FBXO34: variants seen among roughly 807,000 people sequenced by gnomAD.
The protein encoded by FBXO34 is F-box protein 34, also known as F-box only protein 34.
Under a neutral mutation model 24.5 loss-of-function variants are expected in FBXO34, and 12 were observed. The ratio of observed to expected loss-of-function variants is 0.49; its 90% CI spans 0.31 to 0.79. FBXO34 has a LOEUF of 0.79. Ranked by LOEUF, FBXO34 falls within the 30% of genes least tolerant of loss-of-function variation. FBXO34 has a pLI of 0.04. For synonymous variants in FBXO34, 320 were observed against 311.9 expected, an observed-to-expected ratio of 1.03 and a Z score of -0.27; for missense variants, 823 against 857.7, an observed-to-expected ratio of 0.96 and a Z score of 0.51.
At chr14:55,429,494 T>A in the FBXO34 span, among the ~76,000 whole-genome samples, 1 of 152,182 alleles carries the variant, frequency 6.6e-6, no homozygotes, top group Non-Finnish European at 1.5e-5. Flanking sequence ...CTGGGCACAG[T>A]GGCTCACGCC....
At chr14:55,302,451 T>C (rs916781651) in intron 1 of FBXO34, among the ~76,000 whole-genome samples, 1 of 139,440 alleles carries the variant, frequency 7.2e-6, no homozygotes, top group Non-Finnish European at 1.5e-5. Flanking sequence ...AGCCTCTTTT[T>C]TGTTTTTTTT....
the FBXO34 span, chr14:55,391,048 T>TTATC: frequency 8.4e-7 from 1 of 1,183,890 alleles, no homozygotes. Flanking sequence ...GTTAATATGA[T>TTATC]TATCTACCTG....
At chr14:55,321,735 A>G (rs186433341) in intron 1 of FBXO34, among the ~76,000 whole-genome samples, 1 of 152,286 alleles carries the variant, frequency 6.6e-6, no homozygotes, top group Admixed American at 6.5e-5. Flanking sequence ...TGCTTAGCTC[A>G]GTACCAAGGC....
chr14:55,284,303 C>T (rs1376057578), intron 1 of FBXO34, among the ~76,000 whole-genome samples: 1 of 152,070 alleles, frequency 6.6e-6, no homozygotes, highest in Non-Finnish European at 1.5e-5. Context: ...CACCTGAGGT[C>T]AGGAGTTCGA....
the FBXO34 span, among the ~76,000 whole-genome samples, chr14:55,418,443 GTGTGTA>G: frequency 6.6e-6 from 1 of 152,192 alleles, no homozygotes; most frequent in Admixed American, 6.5e-5. Flanking sequence ...CCACAGTCGT[GTGTGTA>G]TAAGTCAAAA....
chr14:55,408,774 AAAAAT>A, the FBXO34 span, among the ~76,000 whole-genome samples: 2 of 152,208 alleles, frequency 1.3e-5, no homozygotes, highest in Admixed American at 1.3e-4. Flanking sequence ...CTGTCTCAAA[AAAAAT>A]AAAATAAAAT....
chr14:55,427,387 A>AT, the FBXO34 span, among the ~76,000 whole-genome samples: 1 of 152,248 alleles, frequency 6.6e-6, no homozygotes, highest in Non-Finnish European at 1.5e-5. Context: ...GAATGAAAAT[A>AT]TTTTAGAAGA....
At chr14:55,409,689 A>G in the FBXO34 span, among the ~76,000 whole-genome samples, 2 of 152,218 alleles carry the variant, frequency 1.3e-5, no homozygotes, top group Non-Finnish European at 2.9e-5. Flanking sequence ...CAAGGAGGCC[A>G]CAGTGGCACA....
At chr14:55,294,079 C>T (rs1053235838) in intron 1 of FBXO34, among the ~76,000 whole-genome samples, 5 of 152,094 alleles carry the variant, frequency 3.3e-5, no homozygotes, top group Admixed American at 6.5e-5. Flanking sequence ...CTTCTTAAGT[C>T]TGTACTGATC....
In FBXO34 at chr14:55,350,577, G is replaced by C; in HGVS notation, c.187G>C (p.Gly63Arg). Reference protein sequence around the residue: ...LGKASSRKPFGILSPNVLCSM... With the variant: ...LGKASSRKPFRILSPNVLCSM... ...TAAAGCATCATCTCGAAAGCCATTT[G>C]GGATCCTTTCTCCAAATGTTCTGTG... The change falls in exon 2 of 2, where the codon GGG becomes CGG. Residue 63 changes from glycine to arginine, a missense_variant. This residue lies in a region of FBXO34 where 693 missense variants were observed against 659.1 expected (regional missense o/e 1.05). Coordinates refer to ENST00000313833, the MANE Select transcript of FBXO34 (RefSeq NM_017943.4). 6.2e-7 allele frequency: 1 copy of C among 1,612,634 alleles called. No homozygotes were observed.
At chr14:55,409,885 C>G in the FBXO34 span, among the ~76,000 whole-genome samples, 2 of 152,042 alleles carry the variant, frequency 1.3e-5, no homozygotes, top group Non-Finnish European at 2.9e-5. Context: ...GGAGCAAGGA[C>G]GGAAGCAGAG....
At chr14:55,379,659 T>C in the FBXO34 span, among the ~76,000 whole-genome samples, 2 of 151,932 alleles carry the variant, frequency 1.3e-5, no homozygotes, top group African/African-American at 4.8e-5. Context: ...AATGCAATGA[T>C]AGTTGGAGGG....
At chr14:55,369,423 A>C, downstream of FBXO34, 4 of 469,352 alleles carry the variant, frequency 8.5e-6, no homozygotes, top group Non-Finnish European at 1.1e-5. Flanking sequence ...CTTAATTATC[A>C]TAAGCATGTT....
chr14:55,304,739 A>T (rs1290593469), intron 1 of FBXO34, among the ~76,000 whole-genome samples: 2 of 151,750 alleles, frequency 1.3e-5, no homozygotes, highest in African/African-American at 4.8e-5. Context: ...GCCTCAAGTG[A>T]TCCTCCCGCC....
intron 1 of FBXO34, among the ~76,000 whole-genome samples, chr14:55,343,471 G>C (rs931652278): frequency 1.3e-5 from 2 of 151,988 alleles, no homozygotes; most frequent in African/African-American, 4.8e-5. Flanking sequence ...GGCTGGTCTC[G>C]AACTCCTGAC....
chr14:55,338,574 T>C (rs1883873039), intron 1 of FBXO34, among the ~76,000 whole-genome samples: 1 of 152,136 alleles, frequency 6.6e-6, no homozygotes, highest in Non-Finnish European at 1.5e-5. Context: ...CTTACTCATT[T>C]TTACCTTTTA....
At chr14:55,274,182 C>A (rs116234969) in intron 1 of FBXO34, among the ~76,000 whole-genome samples, 1,833 of 152,272 alleles carry the variant, frequency 0.012, 44 homozygotes, top group African/African-American at 0.041. Flanking sequence ...TAAGGAGATA[C>A]CTGCTATTCG....
intron 1 of FBXO34, among the ~76,000 whole-genome samples, chr14:55,344,544 GTA>G (rs1350548349): frequency 1.9e-5 from 2 of 104,936 alleles, no homozygotes; most frequent in African/African-American, 6.4e-5. Flanking sequence ...TTGTGTATGT[GTA>G]TTTTTTTTTT....
In FBXO34 at chr14:55,281,404, A is replaced by G. The variant is rs527413216; in HGVS notation, c.-11+9867A>G. 7.2e-5 allele frequency among the ~76,000 whole-genome samples: 11 copies of G among 152,050 alleles called. No homozygotes were observed. The South Asian group carries it at 1.7e-3, about 23-fold the overall frequency. ...AATTTAGATTTCTGTAATTGTCTCT[A>G]TGACGTTTTTTTATAATTCCATATT... is the stretch of plus-strand genomic sequence containing the variant. On this transcript the variant is annotated intron_variant, in intron 1 of 1. Transcript: ENST00000313833.
Sources: allele counts gnomAD v4.1 joint callset (sites outside exome capture counted in the v4.1 genomes callset), GRCh38; gene constraint gnomAD v4.1.1; regional missense constraint gnomAD v4.1.1; transcripts MANE v1.5; gene names NCBI Gene and HGNC (gene_info 2026-07-23, HGNC 2026-07-21).